Variants in CDCA4 observed in about 807,000 individuals in gnomAD.
The protein encoded by CDCA4 is cell division cycle associated 4.
For missense variants in CDCA4, 294 were observed against 322.1 expected (o/e 0.91, Z 0.67); for synonymous variants, 130 against 137.0 (o/e 0.95, Z 0.36).
intron 1 of CDCA4, among the ~76,000 whole-genome samples, chr14:105,020,776 C>T (rs1312307609): frequency 6.6e-6 from 1 of 151,916 alleles, no homozygotes; most frequent in Non-Finnish European, 1.5e-5. Flanking sequence ...CCCCTCTGTT[C>T]CCCGGGCCCC....
chr14:105,014,744 G>A (rs921667856), intron 1 of CDCA4, among the ~76,000 whole-genome samples: 1 of 152,196 alleles, frequency 6.6e-6, no homozygotes, highest in African/African-American at 2.4e-5. Flanking sequence ...AGGACACCCT[G>A]CGTTGGGGAA....
At chr14:105,020,527 C>T (rs773887424) in intron 1 of CDCA4, among the ~76,000 whole-genome samples, 20 of 152,206 alleles carry the variant, frequency 1.3e-4, no homozygotes, top group Non-Finnish European at 2.4e-4. Context: ...CGGCGCTGGC[C>T]GACCCGCCCG....
Position 105,011,929 on chromosome 14 carries a change from TTG to T in CDCA4, c.-2_-1del. 1 of 1,603,548 alleles carries T rather than the reference TTG, an allele frequency of 6.2e-7. No individual in the cohort carries two copies. Among genetic ancestry groups the T allele is most frequent in the Non-Finnish European group, 8.5e-7 (1 of 1,173,888 alleles). On this transcript the variant is annotated 5_prime_UTR_variant, in exon 2 of 2. Coordinates refer to ENST00000336219, the MANE Select transcript of CDCA4 (RefSeq NM_017955.4). ...TTCCTCTTCAGTCCTCGTGCAAACA[TTG>T]TGTCCTGCAGAAACCAAGGAAGACA...
In CDCA4 at chr14:105,011,521, C is replaced by T. The variant is rs1343713945; in HGVS notation, c.409G>A (p.Ala137Thr). Residue 137 changes from alanine (A) to threonine (T), a missense_variant, in exon 2 of 2, where the codon GCA (alanine) becomes ACA (threonine). Transcript: ENST00000336219. ...SDLCPVTSAQ[A>T]PRHLQSSAWE... ...GCGCTGCTCTGCAGGTGCCTTGGTG[C>T]CTGTGCTGAGGTGACTGGGCAAAGG... 3 of 1,614,202 alleles carry T rather than the reference C, an allele frequency of 1.9e-6. No homozygotes were observed. Among genetic ancestry groups the T allele is most frequent in the African/African-American group, 1.3e-5 (1 of 75,070 alleles).
chr14:105,012,530 G>A (rs185650966), intron 1 of CDCA4, among the ~76,000 whole-genome samples: 4 of 152,312 alleles, frequency 2.6e-5, no homozygotes, highest in Admixed American at 1.3e-4. Flanking sequence ...GCAGACAGCC[G>A]GGCTGGAAAG....
rs935375778 is a variant in CDCA4 at position 105,011,750 on chromosome 14, G to A, written c.180C>T (p.Val60=). Reference sequence around the variant, plus strand: ...TCTGCCGGACCGTGTTGGCAATGAGGACTGAGCGGCACAGGTTGGGCTCCA... The same window carrying A: ...TCTGCCGGACCGTGTTGGCAATGAGAACTGAGCGGCACAGGTTGGGCTCCA... ...MLVEPNLCRS[V]LIANTVRQIQ... is the part of the protein sequence containing the mutation. Residue 60 remains valine, a synonymous_variant, in exon 2 of 2, where the codon GTC becomes GTT. Transcript: ENST00000336219. 3 of 1,613,636 alleles carry A rather than the reference G, an allele frequency of 1.9e-6. No homozygotes were observed. The African/African-American group carries it at 4.0e-5, about 22-fold the overall frequency.
chr14:105,018,781 G>A (rs1231799157), intron 1 of CDCA4, among the ~76,000 whole-genome samples: 1 of 151,320 alleles, frequency 6.6e-6, no homozygotes, highest in African/African-American at 2.4e-5. Flanking sequence ...CTGTCCCCCA[G>A]GCTGGAGTGC....
In CDCA4 at chr14:105,011,670, G is replaced by A. The variant is rs149001280; in HGVS notation, c.260C>T (p.Ala87Val). ...GTWRTVAPQA[A>V]ERAPLDRLVS... Reference sequence around the variant, plus strand: ...CAAGCGGTCGAGCGGCGCCCGCTCTGCAGCCTGGGGTGCCACTGTGCGCCA... The same window carrying A: ...CAAGCGGTCGAGCGGCGCCCGCTCTACAGCCTGGGGTGCCACTGTGCGCCA... The change falls in exon 2 of 2, where the codon GCA becomes GTA. Residue 87 changes from alanine (A) to valine (V), a missense_variant. By Grantham distance (64) the Ala-to-Val change is moderately conservative (BLOSUM62 0). Transcript: ENST00000336219. 3.1e-6 allele frequency: 5 copies of A among 1,613,636 alleles called. No homozygotes were observed. Among genetic ancestry groups the A allele is most frequent in the Non-Finnish European group, 4.2e-6 (5 of 1,179,966 alleles).
At chr14:105,019,709 A>G (rs1193679544) in intron 1 of CDCA4, among the ~76,000 whole-genome samples, 3 of 129,380 alleles carry the variant, frequency 2.3e-5, no homozygotes, top group Admixed American at 1.5e-4. Flanking sequence ...AATTTCAGGT[A>G]TTTGGTTTTT....
At chr14:105,020,839 C>T (rs921718599) in intron 1 of CDCA4, among the ~76,000 whole-genome samples, 160 bp downstream of exon 1, 1 of 151,784 alleles carries the variant, frequency 6.6e-6, no homozygotes, top group Non-Finnish European at 1.5e-5. Context: ...GCGGCGAGGG[C>T]GCCGCGGCAG....
chr14:105,018,737 ATTT>A (rs33997251), intron 1 of CDCA4, among the ~76,000 whole-genome samples: 14 of 144,648 alleles, frequency 9.7e-5, no homozygotes, highest in African/African-American at 2.3e-4. Flanking sequence ...TCCCTGCTCA[ATTT>A]TTTTTTTTTT....
rs754865160 is a variant in CDCA4 at position 105,011,622 on chromosome 14, C to T, written c.308G>A (p.Arg103His). Reference sequence around the variant, plus strand: ...TGCCCCCTCTTGCCCCCACGCTGCACGGCACAGGATCTCCGTGGAGACCAA... The same window carrying T: ...TGCCCCCTCTTGCCCCCACGCTGCATGGCACAGGATCTCCGTGGAGACCAA... ...DRLVSTEILC[R>H]AAWGQEGAHP... The change falls in exon 2 of 2, where the codon CGT becomes CAT. Residue 103 changes from arginine (R) to histidine (H), a missense_variant. By Grantham distance (29) the Arg-to-His change is conservative (BLOSUM62 0). Transcript: ENST00000336219. 1.9e-5 allele frequency: 30 copies of T among 1,613,682 alleles called. No individual in the cohort carries two copies. The highest frequency in any genetic ancestry group is 1.0e-4 in the Admixed American group (6 of 59,994).
intron 1 of CDCA4, among the ~76,000 whole-genome samples, chr14:105,018,304 T>C (rs772934174): frequency 2.6e-5 from 4 of 152,058 alleles, no homozygotes; most frequent in Non-Finnish European, 5.9e-5. Flanking sequence ...CCCTGTTCAG[T>C]CACTTCAAAT....
chr14:105,011,852 T>C lies in CDCA4; in HGVS notation c.78A>G (p.Thr26=), dbSNP rs137892580. The C allele has an allele frequency of 1.3e-5, 21 of 1,613,828 alleles. No homozygotes were observed. The South Asian group carries it at 2.2e-4, about 17-fold the overall frequency. The change falls in exon 2 of 2, where the codon ACA becomes ACG. Residue 26 remains threonine (T), a synonymous_variant. Transcript: ENST00000336219. ...DVEGALAGLK[T]VSSYSLQRQS... The stretch of plus-strand genomic sequence containing the variant: ...GCCGCTGCAGGCTGTATGAGGACAC[T>C]GTCTTCAAGCCGGCCAGGGCTCCCT...
rs756784274 is a variant in CDCA4, at chr14:105,011,426, C to A, written c.504G>T (p.Thr168=). The part of the protein sequence containing the change: ...FHKSLDQIFE[T]LETKNPSCME... ...TGCAGCTGGGGTTTTTAGTCTCCAG[C>A]GTTTCAAATATCTGATCAAGTGACT... is the stretch of plus-strand genomic sequence containing the variant. Residue 168 remains threonine (T), a synonymous_variant, in exon 2 of 2, where the codon ACG becomes ACT. Coordinates refer to ENST00000336219, the MANE Select transcript of CDCA4 (RefSeq NM_017955.4). 2 of 1,614,088 alleles carry A rather than the reference C, an allele frequency of 1.2e-6. No homozygotes were observed. Among genetic ancestry groups the A allele is most frequent in the African/African-American group, 1.3e-5 (1 of 74,932 alleles).
At chr14:105,014,769 C>T (rs1051577303) in intron 1 of CDCA4, among the ~76,000 whole-genome samples, 1 of 152,226 alleles carries the variant, frequency 6.6e-6, no homozygotes, top group Admixed American at 6.5e-5. Flanking sequence ...TTAAGTCCCA[C>T]GGGTTCCTCT....
rs1297600378 is a variant in CDCA4 at position 105,009,670 on chromosome 14, G to A, written c.*1534C>T. 6.6e-6 allele frequency: 1 copy of A among 152,160 alleles called. No individual in the cohort carries two copies. Among genetic ancestry groups the A allele is most frequent in the African/African-American group, 2.4e-5 (1 of 41,426 alleles). 9.4% of individuals were successfully genotyped at this position (152,160 alleles called of 1,614,324 possible). ...TAAAACACATACCCTTTAAACTAGG[G>A]TCCATGAGGATTAACTTTCGACATC... On this transcript the variant is annotated 3_prime_UTR_variant, in exon 2 of 2. Transcript: ENST00000336219.
chr14:105,019,413 G>A (rs1043913597), intron 1 of CDCA4, among the ~76,000 whole-genome samples: 3 of 152,238 alleles, frequency 2.0e-5, no homozygotes, highest in Admixed American at 2.0e-4. Flanking sequence ...GGCTGAAAAC[G>A]CAGATTCCCA....
At position 105,011,968 on chromosome 14, in the gene CDCA4, A is replaced by T. The variant is rs564615325; in HGVS notation, c.-6-33T>A. On this transcript the variant is annotated intron_variant, in intron 1 of 1. Transcript: ENST00000336219. ...AACCAAGGAAGACACCACTTAGCAC[A>T]CGGCAGACTCTCTGCGGACAGCGCC... is the stretch of plus-strand genomic sequence containing the variant. The T allele has an allele frequency of 1.9e-6, 3 of 1,566,820 alleles. No individual in the cohort carries two copies. The South Asian group carries it at 3.6e-5, about 19-fold the overall frequency.
Sources: gnomAD v4.1 joint callset for allele counts (sites outside exome capture counted in the v4.1 genomes callset) on GRCh38, gnomAD v4.1.1 for gene constraint, MANE v1.5 for transcripts, NCBI Gene and HGNC (gene_info 2026-07-23, HGNC 2026-07-21) for gene names.